Variants in GALNT11 observed in about 807,000 individuals in gnomAD.
The protein encoded by GALNT11 is polypeptide N-acetylgalactosaminyltransferase 11, also known as UDP-GalNAc:polypeptide N-acetylgalactosaminyltransferase 11.
Under a neutral mutation model 72.7 loss-of-function variants are expected in GALNT11, and 47 were observed. That is an observed-to-expected ratio of 0.65 (90% confidence interval 0.51 to 0.82). The LOEUF is 0.82. GALNT11 is among the 40% of genes least tolerant of loss of function. The pLI is 0.00. For missense variants in GALNT11, 677 were observed against 778.4 expected, an observed-to-expected ratio of 0.87 and a Z score of 1.55; for synonymous variants, 270 against 286.6, an observed-to-expected ratio of 0.94 and a Z score of 0.58.
intron 4 of GALNT11, chr7:152,103,696 A>G (rs974695797): frequency 1.2e-5 from 2 of 165,548 alleles, no homozygotes; most frequent in African/African-American, 4.7e-5. Flanking sequence ...CCTCACTGCA[A>G]TGATACAGAA....
Position 152,120,983 on chromosome 7 carries a change from G to A in GALNT11, c.1695+15G>A. ...GGACCTTTGGGGTGAGGAGTGCTCG[G>A]TGATGTTGGGAGAATGCGCAGAGGC... On this transcript the variant is annotated intron_variant, in intron 11 of 11. Coordinates refer to ENST00000430044, the MANE Select transcript of GALNT11 (RefSeq NM_022087.4). 1.2e-6 allele frequency: 2 copies of A among 1,609,134 alleles called. No homozygotes were observed. The highest frequency in any genetic ancestry group is 1.7e-6 in the Non-Finnish European group (2 of 1,178,364).
rs9969278 is a variant in GALNT11, at chr7:152,099,561, T to G, written c.296-1237T>G. ...TTTTTTTTTTTTTTTTTTTTTTTTG[T>G]ATTTTTAGTAGAGATGGGGTTTCAC... On this transcript the variant is annotated intron_variant, in intron 2 of 11. Coordinates refer to ENST00000430044, the MANE Select transcript of GALNT11 (RefSeq NM_022087.4). Among the ~76,000 whole-genome samples the G allele has an allele frequency of 4.5e-4, 56 of 124,110 alleles. 2 individuals are homozygous for G. Among genetic ancestry groups the G allele is most frequent in the African/African-American group, 1.7e-3 (54 of 31,228 alleles). 81.4% of individuals were successfully genotyped at this position (124,110 alleles called of 152,430 possible).
At chr7:152,118,470 A>G (rs952341729) in intron 9 of GALNT11, 1 of 494,708 alleles carries the variant, frequency 2.0e-6, no homozygotes, top group Non-Finnish European at 3.5e-6. Flanking sequence ...TAAAACTGCT[A>G]ATAACTTTTG....
At chr7:152,085,766 G>A (rs558832235) in intron 1 of GALNT11, among the ~76,000 whole-genome samples, 24 of 152,088 alleles carry the variant, frequency 1.6e-4, no homozygotes, top group Non-Finnish European at 2.4e-4. Context: ...CCAGGTTGGA[G>A]TGCATGGCAT....
At chr7:152,102,837 C>T (rs772667587) in intron 3 of GALNT11, among the ~76,000 whole-genome samples, 12 of 150,824 alleles carry the variant, frequency 8.0e-5, no homozygotes, top group Non-Finnish European at 1.5e-4. Flanking sequence ...CAGAATTAGC[C>T]GGATGTGGTG....
intron 1 of GALNT11, among the ~76,000 whole-genome samples, chr7:152,036,243 C>G (rs772523430): frequency 5.3e-5 from 8 of 152,120 alleles, no homozygotes; most frequent in Admixed American, 2.0e-4. Flanking sequence ...TCCCCTCACT[C>G]CCTTCTCAGC....
rs997422577 is a variant in GALNT11 at position 152,089,646 on chromosome 7, C to T, written c.-38-4544C>T. 3.9e-5 allele frequency among the ~76,000 whole-genome samples: 6 copies of T among 152,256 alleles called. No homozygotes were observed. In the South Asian group the frequency reaches 6.2e-4, roughly 16 times the overall value. On this transcript the variant is annotated intron_variant, in intron 1 of 11. Coordinates refer to ENST00000430044, the MANE Select transcript of GALNT11 (RefSeq NM_022087.4). The stretch of plus-strand genomic sequence containing the variant: ...CCAAATAGGGAAGGGGCATAGGCTG[C>T]GAGCTGGAACGTGCCCGTGAGCATG...
intron 2 of GALNT11, among the ~76,000 whole-genome samples, chr7:152,099,838 C>T (rs1378353409): frequency 2.8e-5 from 4 of 144,478 alleles, no homozygotes; most frequent in Non-Finnish European, 4.5e-5. Context: ...AACTGTGGCT[C>T]ACTGCAACCT....
chr7:152,041,471 G>A (rs2082856125), intron 1 of GALNT11, among the ~76,000 whole-genome samples: 1 of 152,186 alleles, frequency 6.6e-6, no homozygotes, highest in African/African-American at 2.4e-5. Context: ...CACTATCAGA[G>A]TAGTGACTTG....
chr7:152,070,373 T>TA (rs2084565306), intron 1 of GALNT11, among the ~76,000 whole-genome samples: 4 of 152,280 alleles, frequency 2.6e-5, no homozygotes, highest in African/African-American at 4.8e-5. Flanking sequence ...TTCCTATTCT[T>TA]ACAGCACAAC....
At chr7:152,101,337 C>A (rs1355042046) in intron 3 of GALNT11, among the ~76,000 whole-genome samples, 1 of 152,130 alleles carries the variant, frequency 6.6e-6, no homozygotes, top group Non-Finnish European at 1.5e-5. Flanking sequence ...ATTCCACAGA[C>A]AGACATTTGT....
intron 1 of GALNT11, among the ~76,000 whole-genome samples, chr7:152,092,192 C>A (rs1400796827): frequency 6.6e-6 from 1 of 152,134 alleles, no homozygotes. Flanking sequence ...CTTTGTCTAC[C>A]CTAAGCGAAC....
chr7:152,083,814 A>G (rs1056924887), intron 1 of GALNT11, among the ~76,000 whole-genome samples: 5 of 152,304 alleles, frequency 3.3e-5, no homozygotes, highest in Non-Finnish European at 7.4e-5. Flanking sequence ...GTGTCTTTTT[A>G]TCCAAGAATA....
intron 8 of GALNT11, among the ~76,000 whole-genome samples, chr7:152,114,629 C>T (rs549675054): frequency 3.1e-4 from 47 of 151,880 alleles, no homozygotes; most frequent in African/African-American, 3.1e-4. Context: ...GGCGCAATCT[C>T]GGCTCACTGC....
Position 152,057,579 on chromosome 7 carries a change from T to C in GALNT11, c.-39+31695T>C, listed in dbSNP as rs544512859. The stretch of plus-strand genomic sequence containing the variant: ...GCCTCAGCCTCCCAAAGTGCTGGGA[T>C]TGTAGGTGTGAACCACCGTGCCCGG... On this transcript the variant is annotated intron_variant, in intron 1 of 11. Transcript: ENST00000430044. 1.1e-4 allele frequency among the ~76,000 whole-genome samples: 17 copies of C among 152,272 alleles called. 1 individual carries two copies. Among genetic ancestry groups the C allele is most frequent in the Admixed American group, 9.8e-4 (15 of 15,286 alleles).
intron 8 of GALNT11, among the ~76,000 whole-genome samples, chr7:152,116,023 T>G (rs62481476): frequency 0.12 from 17,913 of 152,184 alleles, 1,416 homozygotes; most frequent in Admixed American, 0.17. Flanking sequence ...GCCATTGTAC[T>G]CCAGCCTGGG....
intron 1 of GALNT11, among the ~76,000 whole-genome samples, chr7:152,031,481 T>C (rs1185706863): frequency 6.6e-6 from 1 of 152,212 alleles, no homozygotes; most frequent in Non-Finnish European, 1.5e-5. Flanking sequence ...ATAAACTCCC[T>C]TTGGCACTTA....
chr7:152,037,045 C>A (rs1264187551), intron 1 of GALNT11, among the ~76,000 whole-genome samples: 1 of 152,152 alleles, frequency 6.6e-6, no homozygotes, highest in Admixed American at 6.5e-5. Context: ...TTTCTCTTCA[C>A]TTTGTTGTTC....
chr7:152,105,533 C>T (rs1015416071), intron 5 of GALNT11, among the ~76,000 whole-genome samples, 163 bp downstream of exon 5: 2 of 152,212 alleles, frequency 1.3e-5, no homozygotes, highest in South Asian at 2.1e-4. Flanking sequence ...CTGTTCATAA[C>T]GCCAAGCCTG....
Sources: allele counts gnomAD v4.1 joint callset (sites outside exome capture counted in the v4.1 genomes callset), GRCh38; gene constraint gnomAD v4.1.1; transcripts MANE v1.5; gene names NCBI Gene and HGNC (gene_info 2026-07-23, HGNC 2026-07-21).